MRAS: variants seen among roughly 807,000 people sequenced by gnomAD.
The protein encoded by MRAS is ras-related protein M-Ras.
MRAS carries 4 observed loss-of-function variants against 20.9 expected under a neutral mutation model. That is an observed-to-expected ratio of 0.19 (90% confidence interval 0.09 to 0.44). The LOEUF is 0.44. Ranked by LOEUF, MRAS falls within the 20% of genes least tolerant of loss-of-function variation. The pLI is 0.99. For synonymous variants in MRAS, 98 were observed against 102.9 expected (o/e 0.95, Z 0.29); for missense variants, 154 against 277.5 (o/e 0.56, Z 3.16).
chr3:138,381,639 T>A (rs1399963299), intron 2 of MRAS, among the ~76,000 whole-genome samples: 1 of 152,196 alleles, frequency 6.6e-6, no homozygotes, highest in African/African-American at 2.4e-5. Context: ...CACTGCTTCC[T>A]ACCTTGGGGT....
In MRAS at chr3:138,359,098, C is replaced by T. The variant is rs537731976; in HGVS notation, c.-19+10331C>T. On this transcript the variant is annotated intron_variant, in intron 1 of 5. Coordinates refer to ENST00000423968, the MANE Select transcript of MRAS (RefSeq NM_001085049.3). ...GCTTCCCTCGACCCCCCAGCCAATA[C>T]TGACCTTTGGACAGGCCTTGCCTCG... 6.6e-5 allele frequency among the ~76,000 whole-genome samples: 10 copies of T among 152,344 alleles called. No homozygotes were observed. The South Asian group carries it at 2.1e-3, about 32-fold the overall frequency.
At chr3:138,386,592 C>T (rs555451237) in intron 2 of MRAS, among the ~76,000 whole-genome samples, 1 of 152,160 alleles carries the variant, frequency 6.6e-6, no homozygotes, top group Admixed American at 6.5e-5. Flanking sequence ...CAAACAATTC[C>T]CCTGCCTCAG....
chr3:138,385,752 TAATC>T (rs2054998902), intron 2 of MRAS, among the ~76,000 whole-genome samples: 1 of 152,126 alleles, frequency 6.6e-6, no homozygotes, highest in Non-Finnish European at 1.5e-5. Flanking sequence ...TGACCTCAGG[TAATC>T]CACCTGCCTT....
intron 2 of MRAS, among the ~76,000 whole-genome samples, chr3:138,376,909 T>G (rs1317512296): frequency 6.6e-6 from 1 of 152,240 alleles, no homozygotes; most frequent in Non-Finnish European, 1.5e-5. Flanking sequence ...TGTAAGAAAG[T>G]AACACCATGC....
At chr3:138,400,994 C>T (rs1056269466) in intron 5 of MRAS, among the ~76,000 whole-genome samples, 3 of 152,218 alleles carry the variant, frequency 2.0e-5, no homozygotes, top group African/African-American at 4.8e-5. Context: ...GATATCAGAG[C>T]ACCCTTTGAT....
intron 4 of MRAS, among the ~76,000 whole-genome samples, chr3:138,399,250 G>C (rs971873335): frequency 7.2e-5 from 11 of 152,318 alleles, no homozygotes; most frequent in African/African-American, 2.6e-4. Context: ...TACCTCAGAG[G>C]GTTAATGTGA....
intron 1 of MRAS, among the ~76,000 whole-genome samples, chr3:138,364,194 G>A (rs948436252): frequency 7.9e-5 from 12 of 152,176 alleles, no homozygotes; most frequent in Admixed American, 6.5e-4. Flanking sequence ...CTTCCGAGAA[G>A]GGAGAGGTAG....
At chr3:138,385,527 A>AT (rs2054993534) in intron 2 of MRAS, among the ~76,000 whole-genome samples, 1 of 148,192 alleles carries the variant, frequency 6.7e-6, no homozygotes, top group Admixed American at 6.7e-5. Flanking sequence ...TTTATTTATT[A>AT]TTTTTTGAGA....
intron 5 of MRAS, 26 bp from the exon 6 acceptor site, chr3:138,402,144 C>G (rs747198603): frequency 6.2e-7 from 1 of 1,608,286 alleles, no homozygotes; most frequent in African/African-American, 1.3e-5. Context: ...CTGACTTTGT[C>G]TTTCTGTCCT....
At chr3:138,394,097 C>G (rs977982850) in intron 2 of MRAS, among the ~76,000 whole-genome samples, 8 of 138,266 alleles carry the variant, frequency 5.8e-5, no homozygotes, top group African/African-American at 2.1e-4. Flanking sequence ...TTTTTTTTTT[C>G]TAAGAAAAAA....
chr3:138,351,997 G>T (rs917445180), intron 1 of MRAS, among the ~76,000 whole-genome samples: 1 of 152,220 alleles, frequency 6.6e-6, no homozygotes, highest in African/African-American at 2.4e-5. Flanking sequence ...AGCCCATTGT[G>T]CAGCCAAGTC....
At chr3:138,368,753 G>A (rs2054615186) in intron 1 of MRAS, among the ~76,000 whole-genome samples, 1 of 152,062 alleles carries the variant, frequency 6.6e-6, no homozygotes, top group South Asian at 2.1e-4. Flanking sequence ...TTCATTCTGC[G>A]GTGACTTTTC....
intron 2 of MRAS, among the ~76,000 whole-genome samples, chr3:138,376,463 A>G (rs1057413391): frequency 6.6e-6 from 1 of 152,244 alleles, no homozygotes; most frequent in Non-Finnish European, 1.5e-5. Flanking sequence ...CATTATTCCT[A>G]GCATCTAGAA....
chr3:138,348,702 C>G lies in MRAS; in HGVS notation c.-84C>G, dbSNP rs1560154824. 2 of 151,820 alleles carry G rather than the reference C, an allele frequency of 1.3e-5. No homozygotes were observed. The highest frequency in any genetic ancestry group is 3.9e-4 in the East Asian group (2 of 5,124). 9.4% of individuals were successfully genotyped at this position (151,820 alleles called of 1,614,324 possible). A position where few individuals can be genotyped will look rare whatever the true frequency, so the allele number is the denominator to read the frequency against. ...GGGCCCGGCGGGCGCGACGCTGCCTCCTCACCGGCGCAGGCTAGGAGGGGG... is the reference window on the plus strand; with the variant it reads ...GGGCCCGGCGGGCGCGACGCTGCCTGCTCACCGGCGCAGGCTAGGAGGGGG... On this transcript the variant is annotated 5_prime_UTR_variant, in exon 1 of 6. Coordinates refer to ENST00000423968, the MANE Select transcript of MRAS (RefSeq NM_001085049.3).
chr3:138,357,701 C>G (rs2054363914), intron 1 of MRAS, among the ~76,000 whole-genome samples: 3 of 152,218 alleles, frequency 2.0e-5, no homozygotes, highest in Admixed American at 2.0e-4. Flanking sequence ...CTCCACTTTG[C>G]CCCATGTGCA....
chr3:138,362,652 GC>G (rs1452434225), intron 1 of MRAS, among the ~76,000 whole-genome samples: 6 of 152,166 alleles, frequency 3.9e-5, no homozygotes, highest in African/African-American at 1.4e-4. Context: ...TGGACTTGGG[GC>G]TAGGGCAGGG....
At chr3:138,368,074 C>T (rs1198402926) in intron 1 of MRAS, among the ~76,000 whole-genome samples, 7 of 152,356 alleles carry the variant, frequency 4.6e-5, no homozygotes, top group Middle Eastern at 3.4e-3. Context: ...GCCGCCCCCA[C>T]GGCCAAGTGG....
chr3:138,398,349 A>C, intron 3 of MRAS, 120 bp from the exon 4 acceptor site: 1 of 794,752 alleles, frequency 1.3e-6, no homozygotes, highest in Non-Finnish European at 2.2e-6. Context: ...ACTGCAGTCC[A>C]GGCTGACTGG....
chr3:138,374,338 A>G (rs1013306399), intron 2 of MRAS, among the ~76,000 whole-genome samples: 2 of 152,104 alleles, frequency 1.3e-5, no homozygotes, highest in African/African-American at 4.8e-5. Context: ...TATTGATGCT[A>G]CCGTAAATTA....
Sources: allele counts gnomAD v4.1 joint callset (sites outside exome capture counted in the v4.1 genomes callset), GRCh38; gene constraint gnomAD v4.1.1; transcripts MANE v1.5; gene names NCBI Gene and HGNC (gene_info 2026-07-23, HGNC 2026-07-21).